Variants in CDK6 observed in about 807,000 individuals in gnomAD.
CDK6 encodes the protein cyclin dependent kinase 6, also known as cyclin-dependent kinase 6.
A neutral mutation model predicts 37.1 loss-of-function variants in CDK6; 6 were observed. The observed-to-expected ratio is 0.16, with a 90% CI of 0.09 to 0.32. The LOEUF is 0.32. CDK6 is among the 10% of genes least tolerant of loss of function. CDK6 has a pLI of 1.00. For missense variants in CDK6, 224 were observed against 418.9 expected, an observed-to-expected ratio of 0.53 and a Z score of 4.06; for synonymous variants, 160 against 161.3, an observed-to-expected ratio of 0.99 and a Z score of 0.06.
At chr7:92,711,575 T>TTTTTTTTTTTG (rs1798095357) in intron 4 of CDK6, among the ~76,000 whole-genome samples, 1 of 139,628 alleles carries the variant, frequency 7.2e-6, no homozygotes, top group Admixed American at 7.1e-5. Context: ...TTTTTTTTTT[T>TTTTTTTTTTTG]TTTTTTTTAA....
chr7:92,636,195 C>T (rs1245125796), intron 5 of CDK6, among the ~76,000 whole-genome samples: 1 of 152,058 alleles, frequency 6.6e-6, no homozygotes, highest in Non-Finnish European at 1.5e-5. Context: ...GCTGGGACCA[C>T]AGGGGCATGC....
rs529320663 is a variant in CDK6, at chr7:92,780,751, G to A, written c.234-5920C>T. 4.2e-4 allele frequency among the ~76,000 whole-genome samples: 56 copies of A among 131,960 alleles called. 1 individual carries two copies. Among genetic ancestry groups the A allele is most frequent in the Admixed American group, 3.5e-3 (41 of 11,826 alleles). The allele number at this position is 131,960 out of a possible 152,430, so 86.6% of individuals were successfully genotyped here. A position where few individuals can be genotyped will look rare whatever the true frequency, so the allele number is the denominator to read the frequency against. On this transcript the variant is annotated intron_variant, in intron 2 of 7. Coordinates refer to ENST00000424848, the MANE Select transcript of CDK6 (RefSeq NM_001145306.2). ...ACTCCATCCAGCCTGGGCAATGAGC[G>A]AGACTCCATCTCAAAAAAAAAAAAA...
intron 2 of CDK6, among the ~76,000 whole-genome samples, chr7:92,781,287 G>A (rs1475990691): frequency 6.6e-6 from 1 of 152,208 alleles, no homozygotes; most frequent in Non-Finnish European, 1.5e-5. Context: ...CCAGCTGCAG[G>A]GCAGAGAACA....
intron 3 of CDK6, among the ~76,000 whole-genome samples, chr7:92,730,776 T>C (rs1798626728): frequency 1.3e-5 from 2 of 152,226 alleles, no homozygotes; most frequent in Admixed American, 6.5e-5. Flanking sequence ...GTTTATCTGG[T>C]GATCCATAGA....
intron 5 of CDK6, among the ~76,000 whole-genome samples, chr7:92,634,946 A>C (rs1796135054): frequency 6.6e-6 from 1 of 152,196 alleles, no homozygotes; most frequent in African/African-American, 2.4e-5. Flanking sequence ...GATGTAGTAG[A>C]GTCTGTTTTA....
At chr7:92,701,001 G>C (rs1012684073) in intron 4 of CDK6, among the ~76,000 whole-genome samples, 1 of 152,230 alleles carries the variant, frequency 6.6e-6, no homozygotes, top group Admixed American at 6.5e-5. Flanking sequence ...AAAAGAGGCA[G>C]ACGACAGAGA....
chr7:92,813,602 G>A (rs2115950897), intron 2 of CDK6, among the ~76,000 whole-genome samples: 1 of 152,342 alleles, frequency 6.6e-6, no homozygotes, highest in Middle Eastern at 3.4e-3. Context: ...ATAGAATTGT[G>A]TCCTTACAGT....
At position 92,613,355 on chromosome 7, in the gene CDK6, ACATAATCTAACTGTTG is replaced by A; in HGVS notation, c.*1769_*1784del. The A allele has an allele frequency of 8.6e-6, 2 of 233,452 alleles. 1 individual carries two copies. The allele number at this position is 233,452 out of a possible 1,614,324, so 14.5% of individuals were successfully genotyped here. A position where few individuals can be genotyped will look rare whatever the true frequency, so the allele number is the denominator to read the frequency against. On this transcript the variant is annotated 3_prime_UTR_variant, in exon 8 of 8. Coordinates refer to ENST00000424848, the MANE Select transcript of CDK6 (RefSeq NM_001145306.2). ...CATTCTTTGAAAATCCTAACCCTAA[ACATAATCTAACTGTTG>A]CATGATCTAACTGTTGCATGCACTC...
At chr7:92,632,349 A>G (rs1179193570) in intron 5 of CDK6, among the ~76,000 whole-genome samples, 1 of 152,214 alleles carries the variant, frequency 6.6e-6, no homozygotes, top group East Asian at 1.9e-4. Flanking sequence ...AAATGGAACC[A>G]AAAGTATCAG....
At chr7:92,653,099 A>G (rs1410360722) in intron 5 of CDK6, among the ~76,000 whole-genome samples, 1 of 152,142 alleles carries the variant, frequency 6.6e-6, no homozygotes, top group Non-Finnish European at 1.5e-5. Context: ...TAGCTTTAAT[A>G]GAAACGTATT....
At chr7:92,684,437 C>T (rs1409213536) in intron 4 of CDK6, among the ~76,000 whole-genome samples, 2 of 152,144 alleles carry the variant, frequency 1.3e-5, no homozygotes, top group Admixed American at 1.3e-4. Context: ...GTTGAGGGAT[C>T]AGGGTCATGG....
At chr7:92,655,620 C>A (rs527898033) in intron 5 of CDK6, among the ~76,000 whole-genome samples, 1 of 152,350 alleles carries the variant, frequency 6.6e-6, no homozygotes, top group African/African-American at 2.4e-5. Context: ...ATTTGGCACG[C>A]TCTTGTTGCC....
chr7:92,630,658 TAGTC>T (rs1374313294), intron 5 of CDK6, among the ~76,000 whole-genome samples: 2 of 152,186 alleles, frequency 1.3e-5, no homozygotes, highest in Admixed American at 6.6e-5. Flanking sequence ...GCTTCTTTAA[TAGTC>T]AGATATCGCA....
chr7:92,758,256 A>G (rs1799363924), intron 3 of CDK6, among the ~76,000 whole-genome samples: 1 of 152,118 alleles, frequency 6.6e-6, no homozygotes, highest in Non-Finnish European at 1.5e-5. Context: ...CAGGGTTTTT[A>G]TAGTTTTGGG....
At chr7:92,776,458 G>C (rs1425016486) in intron 2 of CDK6, among the ~76,000 whole-genome samples, 1 of 152,116 alleles carries the variant, frequency 6.6e-6, no homozygotes, top group Non-Finnish European at 1.5e-5. Flanking sequence ...TGGTATTTCT[G>C]GTTCTAGATC....
chr7:92,828,364 C>A (rs1801385362), intron 2 of CDK6, among the ~76,000 whole-genome samples: 1 of 152,098 alleles, frequency 6.6e-6, no homozygotes, highest in African/African-American at 2.4e-5. Flanking sequence ...AATGTACTCA[C>A]CCGATTTAAC....
At chr7:92,786,523 C>A (rs1403665356) in intron 2 of CDK6, among the ~76,000 whole-genome samples, 1 of 151,818 alleles carries the variant, frequency 6.6e-6, no homozygotes, top group East Asian at 1.9e-4. Context: ...TGTTTAATGA[C>A]AAAACTGCAC....
rs541913051 is a variant in CDK6 at position 92,780,430 on chromosome 7, C to T, written c.234-5599G>A. On this transcript the variant is annotated intron_variant, in intron 2 of 7. Coordinates refer to ENST00000424848, the MANE Select transcript of CDK6 (RefSeq NM_001145306.2). ...ACCTAGAACCCTTACACTTGCAAAACAAAAGAGCCAGACAGGTCTGAACAC... is the reference window on the plus strand; with the variant it reads ...ACCTAGAACCCTTACACTTGCAAAATAAAAGAGCCAGACAGGTCTGAACAC... 1.5e-3 allele frequency among the ~76,000 whole-genome samples: 230 copies of T among 152,176 alleles called. 2 individuals are homozygous for T. The highest frequency in any genetic ancestry group is 5.1e-3 in the African/African-American group (211 of 41,540).
chr7:92,821,505 TGTAA>T, intron 2 of CDK6, among the ~76,000 whole-genome samples: 1 of 151,924 alleles, frequency 6.6e-6, no homozygotes, highest in Non-Finnish European at 1.5e-5. Context: ...AATAGAAAAA[TGTAA>T]TTATTTTAAA....
Sources: allele counts gnomAD v4.1 joint callset (sites outside exome capture counted in the v4.1 genomes callset), GRCh38; gene constraint gnomAD v4.1.1; transcripts MANE v1.5; gene names NCBI Gene and HGNC (gene_info 2026-07-23, HGNC 2026-07-21).